The following GFRA2 variants were observed in gnomAD, a reference collection of about 807,000 sequenced individuals.
GFRA2 encodes GDNF family receptor alpha 2.
GFRA2 carries 17 observed loss-of-function variants against 48.3 expected under a neutral mutation model. The observed-to-expected ratio is 0.35, with a 90% confidence interval of 0.24 to 0.53. The LOEUF (loss-of-function observed/expected upper bound fraction) is 0.53, where lower values mean the gene tolerates loss of function less well. Among genes scored for constraint, GFRA2 ranks in the 20% least tolerant of loss-of-function variants. The pLI, the probability that GFRA2 is intolerant of heterozygous loss-of-function variation, is 0.93. For synonymous variants in GFRA2, 305 were observed against 257.2 expected (o/e 1.19, Z -1.78); for missense variants, 660 against 637.3 (o/e 1.04, Z -0.38).
intron 3 of GFRA2, among the ~76,000 whole-genome samples, chr8:21,756,471 T>C (rs1280192437): frequency 4.6e-5 from 7 of 152,138 alleles, no homozygotes; most frequent in Non-Finnish European, 7.4e-5. Flanking sequence ...CAGCCTGCGC[T>C]GCGTTTTCAT....
At chr8:21,747,800 A>ACACACACG (rs1554492285) in intron 4 of GFRA2, among the ~76,000 whole-genome samples, 1 of 145,972 alleles carries the variant, frequency 6.9e-6, no homozygotes, top group African/African-American at 2.5e-5. Flanking sequence ...ACACACACAC[A>ACACACACG]CGCATGCACA....
intron 2 of GFRA2, among the ~76,000 whole-genome samples, chr8:21,799,281 G>A (rs899880834): frequency 2.0e-5 from 3 of 150,632 alleles, no homozygotes; most frequent in South Asian, 2.1e-4. Context: ...GCAGTGGCGC[G>A]ATCGCGGCTC....
At chr8:21,799,278 C>T (rs1319787303) in intron 2 of GFRA2, among the ~76,000 whole-genome samples, 4 of 149,756 alleles carry the variant, frequency 2.7e-5, no homozygotes, top group Non-Finnish European at 5.9e-5. Flanking sequence ...AGTGCAGTGG[C>T]GCGATCGCGG....
intron 3 of GFRA2, among the ~76,000 whole-genome samples, chr8:21,765,190 C>A (rs1456953671): frequency 6.6e-6 from 1 of 152,128 alleles, no homozygotes; most frequent in Non-Finnish European, 1.5e-5. Context: ...CAGCTCACTG[C>A]CACCTTGACC....
At chr8:21,701,664 C>T (rs10096196) in intron 7 of GFRA2, among the ~76,000 whole-genome samples, 5,613 of 152,266 alleles carry the variant, frequency 0.037, 334 homozygotes, top group African/African-American at 0.13. Context: ...ATTGACCAAG[C>T]ACTTTCGCAT....
intron 1 of GFRA2, among the ~76,000 whole-genome samples, chr8:21,808,461 A>C (rs1806210206): frequency 6.6e-6 from 1 of 152,210 alleles, no homozygotes; most frequent in African/African-American, 2.4e-5. Context: ...TTGAAATAAA[A>C]AGGAATTAGT....
At chr8:21,729,323 C>G (rs1804061785) in intron 4 of GFRA2, among the ~76,000 whole-genome samples, 1 of 152,096 alleles carries the variant, frequency 6.6e-6, no homozygotes, top group Non-Finnish European at 1.5e-5. Context: ...GAGTGAGACC[C>G]TGTCTCTATA....
Position 21,692,259 on chromosome 8 carries a change from T to C in GFRA2, c.*1019A>G, listed in dbSNP as rs1324246609. On this transcript the variant is annotated 3_prime_UTR_variant, in exon 9 of 9. Transcript: ENST00000524240. ...AGGAAAGAAAGGGGAAACCACACAA[T>C]ATATGTATATGGATGTGTATATACA... 4 of 152,312 alleles carry C rather than the reference T, an allele frequency of 2.6e-5. No homozygotes were observed. The highest frequency in any genetic ancestry group is 7.2e-5 in the African/African-American group (3 of 41,408). The allele number at this position is 152,312 out of a possible 1,614,324, so 9.4% of individuals were successfully genotyped here.
At chr8:21,746,805 A>C (rs1415252179) in intron 4 of GFRA2, among the ~76,000 whole-genome samples, 3 of 151,996 alleles carry the variant, frequency 2.0e-5, no homozygotes, top group Non-Finnish European at 4.4e-5. Flanking sequence ...GCAAAAAAAA[A>C]AAAGAGAAGG....
intron 4 of GFRA2, among the ~76,000 whole-genome samples, chr8:21,711,748 A>G (rs961283719): frequency 6.8e-6 from 1 of 146,598 alleles, no homozygotes; most frequent in African/African-American, 2.6e-5. Flanking sequence ...TGGCAGGGTC[A>G]TAAGACAATA....
Position 21,693,107 on chromosome 8 carries a change from A to G in GFRA2, c.*171T>C. On this transcript the variant is annotated 3_prime_UTR_variant, in exon 9 of 9. Transcript: ENST00000524240. ...GCCTGCCTGCTTGTCTGTTTGGTTTACAAAAACTTCTCCAGAGAAGAAACC... is the reference window on the plus strand; with the variant it reads ...GCCTGCCTGCTTGTCTGTTTGGTTTGCAAAAACTTCTCCAGAGAAGAAACC... The G allele has an allele frequency of 1.8e-6, 1 of 555,866 alleles. No individual in the cohort carries two copies. Among genetic ancestry groups the G allele is most frequent in the South Asian group, 3.5e-5 (1 of 28,592 alleles). The allele number at this position is 555,866 out of a possible 1,614,324, so 34.4% of individuals were successfully genotyped here. A position where few individuals can be genotyped will look rare whatever the true frequency, so the allele number is the denominator to read the frequency against.
At chr8:21,764,221 C>T (rs1011309304) in intron 3 of GFRA2, among the ~76,000 whole-genome samples, 2 of 152,172 alleles carry the variant, frequency 1.3e-5, no homozygotes, top group Non-Finnish European at 2.9e-5. Context: ...CATCGAGGTG[C>T]TGGTGGATTT....
intron 2 of GFRA2, among the ~76,000 whole-genome samples, chr8:21,795,645 G>A (rs1012355268): frequency 3.3e-5 from 5 of 152,110 alleles, no homozygotes; most frequent in Non-Finnish European, 5.9e-5. Context: ...CACCCACCTC[G>A]GCCTCCCAAA....
At position 21,693,393 on chromosome 8, in the gene GFRA2, G is replaced by T. The variant is rs772616440; in HGVS notation, c.1280C>A (p.Thr427Lys). Residue 427 changes from threonine (T) to lysine (K), a missense_variant, in exon 9 of 9, where the codon ACA becomes AAA. By Grantham distance (78) the Thr-to-Lys change is moderately conservative (BLOSUM62 -1). Coordinates refer to ENST00000524240, the MANE Select transcript of GFRA2 (RefSeq NM_001495.5). ...ELSMCFTELT[T>K]NIIPGSNKVI... ...CTTGTTACTCCCTGGGATGATATTT[G>T]TCGTGAGCTGAGTCCGCAGCAGGAG... 1 of 1,609,016 alleles carries T rather than the reference G, an allele frequency of 6.2e-7. No individual in the cohort carries two copies. Among genetic ancestry groups the T allele is most frequent in the Non-Finnish European group, 8.5e-7 (1 of 1,177,218 alleles).
intron 1 of GFRA2, among the ~76,000 whole-genome samples, chr8:21,806,466 A>G (rs1164204111): frequency 6.6e-6 from 1 of 152,186 alleles, no homozygotes; most frequent in African/African-American, 2.4e-5. Context: ...GGTTAGGTAT[A>G]TTAAGTGCAT....
At chr8:21,724,242 G>A (rs1803746346) in intron 4 of GFRA2, among the ~76,000 whole-genome samples, 1 of 152,120 alleles carries the variant, frequency 6.6e-6, no homozygotes, top group Admixed American at 6.5e-5. Context: ...GGGGCCTGGT[G>A]TTTCTTGGTG....
chr8:21,789,081 G>A (rs1807432443), upstream of GFRA2: 1 of 160,186 alleles, frequency 6.2e-6, no homozygotes, highest in Non-Finnish European at 1.3e-5. Flanking sequence ...GCTCTGCAGC[G>A]GCGGCGGCGA....
intron 3 of GFRA2, among the ~76,000 whole-genome samples, chr8:21,759,401 G>A (rs13281915): frequency 0.3 from 40,502 of 136,214 alleles, 6,311 homozygotes; most frequent in East Asian, 0.43. Flanking sequence ...AGAAAGAAAG[G>A]AAGAGAGAGA....
chr8:21,694,639 ACG>A, intron 7 of GFRA2, 122 bp from the exon 8 acceptor site: 1 of 866,528 alleles, frequency 1.2e-6, no homozygotes, highest in Non-Finnish European at 1.9e-6. Flanking sequence ...GCCAGCGCAC[ACG>A]GTGAAGAGGG....
Sources: allele counts gnomAD v4.1 joint callset (sites outside exome capture counted in the v4.1 genomes callset), GRCh38; gene constraint gnomAD v4.1.1; transcripts MANE v1.5; gene names NCBI Gene and HGNC (gene_info 2026-07-23, HGNC 2026-07-21).